Variants in NLGN1 observed in about 807,000 individuals in gnomAD.
NLGN1 encodes neuroligin 1.
Under a neutral mutation model 65.5 loss-of-function variants are expected in NLGN1, and 12 were observed. That is an observed-to-expected ratio of 0.18 (90% CI 0.12 to 0.30). The LOEUF (loss-of-function observed/expected upper bound fraction) is 0.30. NLGN1 is among the 10% of genes least tolerant of loss of function. The pLI, the probability that NLGN1 is intolerant of heterozygous loss-of-function variation, is 1.00. For missense variants in NLGN1, 750 were observed against 1,007.1 expected (o/e 0.74, Z 3.46); for synonymous variants, 350 against 359.5 (o/e 0.97, Z 0.30).
intron 4 of NLGN1, among the ~76,000 whole-genome samples, chr3:173,936,491 G>T (rs1745096866): frequency 6.6e-6 from 1 of 152,048 alleles, no homozygotes; most frequent in South Asian, 2.1e-4. Context: ...TTGTGAATTT[G>T]CTTGGATGGC....
chr3:173,561,473 G>A (rs1195765220), intron 2 of NLGN1, among the ~76,000 whole-genome samples: 5 of 152,086 alleles, frequency 3.3e-5, no homozygotes, highest in Admixed American at 3.3e-4. Flanking sequence ...AGATGAAGTG[G>A]AGGTCATGAT....
chr3:173,794,622 G>A (rs925985055), intron 3 of NLGN1, among the ~76,000 whole-genome samples: 1 of 152,076 alleles, frequency 6.6e-6, no homozygotes, highest in African/African-American at 2.4e-5. Flanking sequence ...CAGAATAAAA[G>A]GAACATCAGT....
At chr3:173,558,231 TG>T (rs1488643319) in intron 2 of NLGN1, among the ~76,000 whole-genome samples, 2 of 152,128 alleles carry the variant, frequency 1.3e-5, no homozygotes, top group Admixed American at 1.3e-4. Context: ...TTTCACTGCT[TG>T]CTTTTTAAGA....
intron 2 of NLGN1, among the ~76,000 whole-genome samples, chr3:173,477,945 A>C (rs188536492): frequency 6.6e-6 from 1 of 152,176 alleles, no homozygotes; most frequent in Non-Finnish European, 1.5e-5. Context: ...AGGCTTTTAT[A>C]CTGTTGGTGT....
intron 4 of NLGN1, among the ~76,000 whole-genome samples, chr3:173,903,402 A>G (rs919787745): frequency 2.0e-5 from 3 of 152,108 alleles, no homozygotes; most frequent in Non-Finnish European, 4.4e-5. Context: ...ACCTTTAGTC[A>G]TATATGTGTT....
At chr3:173,827,875 A>G (rs147485036) in intron 4 of NLGN1, among the ~76,000 whole-genome samples, 2 of 150,702 alleles carry the variant, frequency 1.3e-5, no homozygotes, top group Non-Finnish European at 3.0e-5. Context: ...CTGCCTTTTT[A>G]CTCTATCTGA....
intron 4 of NLGN1, among the ~76,000 whole-genome samples, chr3:173,907,785 A>G (rs574009338): frequency 2.0e-5 from 3 of 151,364 alleles, no homozygotes; most frequent in Non-Finnish European, 2.9e-5. Context: ...GGGTTTCACC[A>G]TGTTGGCCAG....
chr3:173,842,704 G>A (rs1725014892), intron 4 of NLGN1, among the ~76,000 whole-genome samples: 1 of 152,094 alleles, frequency 6.6e-6, no homozygotes, highest in Non-Finnish European at 1.5e-5. Flanking sequence ...CATGGTCTTG[G>A]GCAGCTCCGC....
intron 4 of NLGN1, among the ~76,000 whole-genome samples, chr3:174,154,944 T>A (rs2152709399): frequency 7.1e-6 from 1 of 141,218 alleles, no homozygotes; most frequent in South Asian, 2.1e-4. Flanking sequence ...ATTTTATATA[T>A]AATATATAAT....
intron 4 of NLGN1, among the ~76,000 whole-genome samples, chr3:173,991,242 G>T (rs886193678): frequency 6.6e-6 from 1 of 151,970 alleles, no homozygotes; most frequent in Admixed American, 6.6e-5. Flanking sequence ...ATTGATTTTT[G>T]AAATGTTAAA....
At chr3:173,917,785 TG>T (rs1043089427) in intron 4 of NLGN1, among the ~76,000 whole-genome samples, 4 of 151,896 alleles carry the variant, frequency 2.6e-5, no homozygotes, top group Non-Finnish European at 5.9e-5. Flanking sequence ...CATGACACGA[TG>T]AAATATTATC....
intron 4 of NLGN1, among the ~76,000 whole-genome samples, chr3:174,058,545 A>T (rs1736673065): frequency 6.6e-6 from 1 of 152,046 alleles, no homozygotes. Context: ...GTAGGTAGAT[A>T]CTCGTATACA....
intron 4 of NLGN1, among the ~76,000 whole-genome samples, chr3:173,990,629 C>T (rs750169687): frequency 2.0e-5 from 3 of 151,996 alleles, no homozygotes; most frequent in Non-Finnish European, 2.9e-5. Flanking sequence ...CTTGATTATT[C>T]CATAATTATA....
intron 4 of NLGN1, among the ~76,000 whole-genome samples, chr3:174,101,118 G>A (rs1289820326): frequency 6.6e-6 from 1 of 152,068 alleles, no homozygotes; most frequent in African/African-American, 2.4e-5. Flanking sequence ...ATAAAATTGG[G>A]ACAGTGATGT....
chr3:173,433,025 A>G (rs1717469214), intron 1 of NLGN1, among the ~76,000 whole-genome samples: 2 of 152,170 alleles, frequency 1.3e-5, no homozygotes, highest in African/African-American at 4.8e-5. Context: ...GTTTGCACTA[A>G]TACCTAAAAT....
intron 4 of NLGN1, among the ~76,000 whole-genome samples, chr3:173,896,560 T>C (rs1736392234): frequency 6.6e-6 from 1 of 152,234 alleles, no homozygotes; most frequent in Non-Finnish European, 1.5e-5. Context: ...TATGAACTTA[T>C]TTGACATTTG....
chr3:173,471,276 T>G (rs1725273360), intron 2 of NLGN1, among the ~76,000 whole-genome samples: 1 of 152,096 alleles, frequency 6.6e-6, no homozygotes, highest in African/African-American at 2.4e-5. Flanking sequence ...AAAATTTTTT[T>G]GTTTCACAGT....
intron 4 of NLGN1, among the ~76,000 whole-genome samples, chr3:173,905,468 G>A (rs993570002): frequency 6.6e-6 from 1 of 152,304 alleles, no homozygotes; most frequent in Non-Finnish European, 1.5e-5. Context: ...CCACAGACAA[G>A]GGAAGGGAAT....
At chr3:173,739,565 A>G (rs1774308041) in intron 3 of NLGN1, among the ~76,000 whole-genome samples, 1 of 152,076 alleles carries the variant, frequency 6.6e-6, no homozygotes, top group African/African-American at 2.4e-5. Flanking sequence ...AAACTCCACT[A>G]GAGTCCTCCT....
Sources: allele counts gnomAD v4.1 joint callset (sites outside exome capture counted in the v4.1 genomes callset), GRCh38; gene constraint gnomAD v4.1.1; transcripts MANE v1.5; gene names NCBI Gene and HGNC (gene_info 2026-07-23, HGNC 2026-07-21).